The following CLMP variants were observed in gnomAD, a reference collection of about 807,000 sequenced individuals.
CLMP encodes the protein CXADR like cell adhesion molecule, also known as CXADR-like membrane protein.
A neutral mutation model predicts 45.2 loss-of-function variants in CLMP; 27 were observed. The observed-to-expected ratio is 0.60, with a 90% CI of 0.44 to 0.82. The LOEUF (loss-of-function observed/expected upper bound fraction) is 0.82. Ranked by LOEUF, CLMP falls within the 40% of genes least tolerant of loss-of-function variation. The pLI, the probability that CLMP is intolerant of heterozygous loss-of-function variation, is 0.00. For synonymous variants in CLMP, 167 were observed against 171.4 expected (o/e 0.97, Z 0.20); for missense variants, 403 against 448.4 (o/e 0.90, Z 0.91).
chr11:123,142,695 C>T (rs1453856496), intron 1 of CLMP, among the ~76,000 whole-genome samples: 4 of 132,030 alleles, frequency 3.0e-5, no homozygotes, highest in Admixed American at 7.8e-5. Flanking sequence ...GGCGCAATCT[C>T]GGCTCACTGC....
chr11:123,153,887 T>C lies in CLMP; in HGVS notation c.28+41026A>G, dbSNP rs1409562309. ...TTTTTTAAGAGATGGGGTTTCACCA[T>C]GTTGGCCAGGCTGGTCTCGAACTCT... is the stretch of plus-strand genomic sequence containing the variant. On this transcript the variant is annotated intron_variant, in intron 1 of 6. Coordinates refer to ENST00000448775, the MANE Select transcript of CLMP (RefSeq NM_024769.5). Among the ~76,000 whole-genome samples the C allele has an allele frequency of 4.0e-5, 6 of 150,612 alleles. No homozygotes were observed. In the South Asian group the frequency reaches 1.0e-3, roughly 26 times the overall value.
At chr11:123,131,514 C>G (rs1860987388) in intron 1 of CLMP, among the ~76,000 whole-genome samples, 1 of 152,156 alleles carries the variant, frequency 6.6e-6, no homozygotes, top group Non-Finnish European at 1.5e-5. Context: ...CTCTTAAATA[C>G]TGGGTTTCAA....
chr11:123,125,858 C>T (rs1452827739), intron 1 of CLMP, among the ~76,000 whole-genome samples: 2 of 151,824 alleles, frequency 1.3e-5, no homozygotes, highest in Non-Finnish European at 2.9e-5. Context: ...TGCCCGCCTC[C>T]GCCTCCCAAA....
In CLMP at chr11:123,194,992, G is replaced by C. The variant is rs1223777387; in HGVS notation, c.-52C>G. The C allele has an allele frequency of 6.3e-7, 1 of 1,582,404 alleles. No individual in the cohort carries two copies. Among genetic ancestry groups the C allele is most frequent in the Admixed American group, 1.8e-5 (1 of 56,472 alleles). On this transcript the variant is annotated 5_prime_UTR_variant, in exon 1 of 7. Transcript: ENST00000448775. Reference sequence around the variant, plus strand: ...CCGCTCAGCTGCTGCTTGGCTCCGGGGCGGCCGGGCGCCTCCGACGGACCT... The same window carrying C: ...CCGCTCAGCTGCTGCTTGGCTCCGGCGCGGCCGGGCGCCTCCGACGGACCT...
At position 123,083,791 on chromosome 11, in the gene CLMP, G is replaced by A; in HGVS notation, c.445C>T (p.Leu149=). ...LEGELTEGSD[L]TLQCESSSGT... ...GAGGATGACTCACACTGCAAAGTCA[G>A]GTCACTTCCTTCTGTCAGCTCTCCT... is the stretch of plus-strand genomic sequence containing the variant. The change falls in exon 4 of 7, where the codon CTG becomes TTG. Residue 149 remains leucine (L), a synonymous_variant. Transcript: ENST00000448775. 1.2e-6 allele frequency: 2 copies of A among 1,613,924 alleles called. No individual in the cohort carries two copies. The highest frequency in any genetic ancestry group is 8.5e-7 in the Non-Finnish European group (1 of 1,180,038).
At chr11:123,103,051 A>T (rs1248308473) in intron 1 of CLMP, among the ~76,000 whole-genome samples, 2 of 152,140 alleles carry the variant, frequency 1.3e-5, no homozygotes, top group Non-Finnish European at 2.9e-5. Flanking sequence ...CAATGAGCAA[A>T]CTAAGACCCA....
At chr11:123,188,229 A>G (rs1861858587) in intron 1 of CLMP, among the ~76,000 whole-genome samples, 1 of 152,300 alleles carries the variant, frequency 6.6e-6, no homozygotes, top group South Asian at 2.1e-4. Context: ...TGTGTGAGAC[A>G]GCGTGTGCCT....
intron 1 of CLMP, among the ~76,000 whole-genome samples, chr11:123,128,035 CAAA>C (rs35399534): frequency 2.0e-4 from 18 of 91,846 alleles, no homozygotes; most frequent in African/African-American, 1.9e-4. Context: ...GACTCTGTCT[CAAA>C]AAAAAAAAAA....
At chr11:123,149,473 T>C (rs1234442311) in intron 1 of CLMP, among the ~76,000 whole-genome samples, 1 of 152,200 alleles carries the variant, frequency 6.6e-6, no homozygotes, top group Admixed American at 6.5e-5. Context: ...CCAGTCACCA[T>C]CTCTGGGTTC....
At chr11:123,140,540 A>G (rs1591474561) in intron 1 of CLMP, among the ~76,000 whole-genome samples, 1 of 151,992 alleles carries the variant, frequency 6.6e-6, no homozygotes, top group Non-Finnish European at 1.5e-5. Flanking sequence ...TTGTTCTTCC[A>G]CCTGCCTCCA....
intron 2 of CLMP, among the ~76,000 whole-genome samples, chr11:123,091,029 A>G (rs1270351298): frequency 6.6e-6 from 1 of 152,168 alleles, no homozygotes; most frequent in African/African-American, 2.4e-5. Context: ...GGGTCCCAGT[A>G]TCTTCAAGGC....
intron 1 of CLMP, among the ~76,000 whole-genome samples, chr11:123,188,101 G>A (rs952554406): frequency 2.0e-5 from 3 of 152,160 alleles, no homozygotes; most frequent in Non-Finnish European, 2.9e-5. Context: ...TCGTGAATAC[G>A]TCTCTCCCAC....
chr11:123,145,003 T>C lies in CLMP; in HGVS notation c.29-47051A>G, dbSNP rs111280146. ...TGTGGCTAACTGGAATTGAAATGCA[T>C]AGTGAATGTAAAACACCCACCAGAT... On this transcript the variant is annotated intron_variant, in intron 1 of 6. Coordinates refer to ENST00000448775, the MANE Select transcript of CLMP (RefSeq NM_024769.5). Among the ~76,000 whole-genome samples the C allele has an allele frequency of 4.0e-3, 608 of 152,250 alleles. 6 individuals carry two copies. The highest frequency in any genetic ancestry group is 0.035 in the South Asian group (171 of 4,818).
At chr11:123,129,518 T>C (rs868052928) in intron 1 of CLMP, among the ~76,000 whole-genome samples, 2 of 141,956 alleles carry the variant, frequency 1.4e-5, no homozygotes, top group East Asian at 2.0e-4. Context: ...AAATATATTC[T>C]AATTCAAAAT....
At chr11:123,140,504 T>A (rs114398493) in intron 1 of CLMP, among the ~76,000 whole-genome samples, 1,561 of 152,052 alleles carry the variant, frequency 0.01, 28 homozygotes, top group African/African-American at 0.035. Context: ...CAGATGACAA[T>A]GTGGGGGGGT....
rs768726170 is a variant in CLMP, at chr11:123,086,127, G to A, written c.187-1414C>T. 2.0e-5 allele frequency among the ~76,000 whole-genome samples: 3 copies of A among 151,878 alleles called. 1 individual carries two copies. The highest frequency in any genetic ancestry group is 6.8e-3 in the Middle Eastern group (2 of 294). The stretch of plus-strand genomic sequence containing the variant: ...GGGTTTCACCATTCTGGCCAGGCTG[G>A]TCTCAAAGTCCTGACCTCAGGTGAT... On this transcript the variant is annotated intron_variant, in intron 2 of 6. Transcript: ENST00000448775.
At chr11:123,150,502 AGG>A (rs1287592105) in intron 1 of CLMP, among the ~76,000 whole-genome samples, 1 of 129,738 alleles carries the variant, frequency 7.7e-6, no homozygotes, top group Non-Finnish European at 1.6e-5. Context: ...GAAGGAAGGA[AGG>A]AAGGAAGGAA....
At chr11:123,183,104 C>A (rs943611189) in intron 1 of CLMP, among the ~76,000 whole-genome samples, 21 of 152,166 alleles carry the variant, frequency 1.4e-4, no homozygotes, top group African/African-American at 4.1e-4. Context: ...TGTTTTTCCC[C>A]TTCCATGGGG....
intron 1 of CLMP, among the ~76,000 whole-genome samples, chr11:123,131,031 CAG>C (rs1231486837): frequency 6.6e-6 from 1 of 151,872 alleles, no homozygotes; most frequent in African/African-American, 2.4e-5. Context: ...TTAGTAGAGA[CAG>C]GGGTTCACCA....
Sources: gnomAD v4.1 joint callset for allele counts (sites outside exome capture counted in the v4.1 genomes callset) on GRCh38, gnomAD v4.1.1 for gene constraint, MANE v1.5 for transcripts, NCBI Gene and HGNC (gene_info 2026-07-23, HGNC 2026-07-21) for gene names.